PREX2: variants seen among roughly 807,000 people sequenced by gnomAD.
The protein encoded by PREX2 is phosphatidylinositol 3,4,5-trisphosphate-dependent Rac exchanger 2 protein.
Under a neutral mutation model 203.2 loss-of-function variants are expected in PREX2, and 107 were observed. The ratio of observed to expected loss-of-function variants is 0.53; its 90% CI spans 0.45 to 0.62. The LOEUF is 0.62. Ranked by LOEUF, PREX2 falls within the 20% of genes least tolerant of loss-of-function variation. The pLI is 0.00. For missense variants in PREX2, 1,777 were observed against 1,955.9 expected, an observed-to-expected ratio of 0.91 and a Z score of 1.72; for synonymous variants, 672 against 663.6, an observed-to-expected ratio of 1.01 and a Z score of -0.19.
intron 35 of PREX2, among the ~76,000 whole-genome samples, chr8:68,171,113 G>T (rs1160200380): frequency 6.6e-6 from 1 of 152,142 alleles, no homozygotes; most frequent in East Asian, 1.9e-4. Flanking sequence ...TTTGCATGAA[G>T]TGACAACTTT....
At chr8:68,134,590 T>A (rs1189363900) in intron 32 of PREX2, among the ~76,000 whole-genome samples, 7 of 152,222 alleles carry the variant, frequency 4.6e-5, no homozygotes, top group Admixed American at 4.6e-4. Context: ...GTCTTTCTGC[T>A]GCTGTTCCTT....
At chr8:68,179,921 T>G (rs989909780) in intron 35 of PREX2, among the ~76,000 whole-genome samples, 4 of 152,186 alleles carry the variant, frequency 2.6e-5, no homozygotes, top group Non-Finnish European at 5.9e-5. Flanking sequence ...AAAAAATCTC[T>G]TAAGTCTCAT....
intron 32 of PREX2, among the ~76,000 whole-genome samples, chr8:68,134,740 A>C (rs940061401): frequency 6.6e-6 from 1 of 152,188 alleles, no homozygotes; most frequent in African/African-American, 2.4e-5. Flanking sequence ...GCATATGTTA[A>C]ATAATTTTAG....
At chr8:67,993,827 T>C (rs1202264637) in intron 1 of PREX2, among the ~76,000 whole-genome samples, 3 of 152,142 alleles carry the variant, frequency 2.0e-5, no homozygotes, top group East Asian at 1.9e-4. Flanking sequence ...ATACGTTCTA[T>C]CGGCAATCTA....
intron 35 of PREX2, among the ~76,000 whole-genome samples, chr8:68,160,228 G>T (rs1433354265): frequency 2.6e-5 from 4 of 152,078 alleles, no homozygotes; most frequent in Non-Finnish European, 5.9e-5. Flanking sequence ...ATCCTTGCAT[G>T]AACTTCTTTG....
chr8:68,155,330 T>G (rs1811522590), intron 34 of PREX2, among the ~76,000 whole-genome samples: 1 of 152,162 alleles, frequency 6.6e-6, no homozygotes, highest in South Asian at 2.1e-4. Flanking sequence ...CTGAAGTAAA[T>G]GTAGTATGTT....
intron 17 of PREX2, among the ~76,000 whole-genome samples, chr8:68,081,381 C>T (rs554143521): frequency 2.0e-4 from 30 of 152,146 alleles, no homozygotes; most frequent in Admixed American, 1.6e-3. Context: ...TGGACCCATA[C>T]TGGTCCGCAG....
chr8:68,229,938 A>C (rs1283620929), intron 39 of PREX2, among the ~76,000 whole-genome samples: 3 of 152,228 alleles, frequency 2.0e-5, no homozygotes, highest in Non-Finnish European at 4.4e-5. Context: ...TTTGAAGTAC[A>C]TCGGGTCAAT....
intron 31 of PREX2, 76 bp from the exon 32 acceptor site, chr8:68,133,983 T>C (rs1470064068): frequency 3.6e-6 from 4 of 1,120,568 alleles, no homozygotes; most frequent in Admixed American, 1.9e-5. Context: ...TGCTAGTGAA[T>C]GTAGATGCTG....
intron 1 of PREX2, among the ~76,000 whole-genome samples, chr8:67,996,050 T>G (rs1806755056): frequency 6.6e-6 from 1 of 152,156 alleles, no homozygotes; most frequent in Non-Finnish European, 1.5e-5. Flanking sequence ...TTAATAGTAT[T>G]TTATTCTAAT....
At chr8:68,100,160 T>A (rs1171741570) in intron 23 of PREX2, 1 of 495,334 alleles carries the variant, frequency 2.0e-6, no homozygotes, top group Non-Finnish European at 4.0e-6. Flanking sequence ...AGTCAAAATT[T>A]AAAATTATAC....
chr8:68,075,744 A>G (rs765139805), intron 14 of PREX2, among the ~76,000 whole-genome samples: 1 of 152,224 alleles, frequency 6.6e-6, no homozygotes. Flanking sequence ...AAAAATTACA[A>G]AACAGCTCGA....
chr8:68,166,996 T>A (rs1490799377), intron 35 of PREX2, among the ~76,000 whole-genome samples: 1 of 152,182 alleles, frequency 6.6e-6, no homozygotes, highest in Non-Finnish European at 1.5e-5. Context: ...AATGCAAAAT[T>A]AAAGCATTTG....
chr8:68,217,524 G>A, intron 37 of PREX2, 92 bp from the exon 38 acceptor site: 1 of 872,624 alleles, frequency 1.1e-6, no homozygotes, highest in Non-Finnish European at 1.9e-6. Flanking sequence ...ATTTTGGCTG[G>A]TGCTTTCTGA....
intron 23 of PREX2, among the ~76,000 whole-genome samples, chr8:68,102,034 A>G (rs1242530007): frequency 6.6e-6 from 1 of 152,232 alleles, no homozygotes; most frequent in African/African-American, 2.4e-5. Context: ...ATTTACTCAT[A>G]GGTAACTGAG....
At chr8:68,136,816 C>T (rs1384331641) in intron 32 of PREX2, among the ~76,000 whole-genome samples, 1 of 152,160 alleles carries the variant, frequency 6.6e-6, no homozygotes, top group Non-Finnish European at 1.5e-5. Flanking sequence ...GGGGCTACCT[C>T]CACTGATTCT....
chr8:68,089,839 A>G (rs1809814222), intron 19 of PREX2, among the ~76,000 whole-genome samples: 1 of 152,236 alleles, frequency 6.6e-6, no homozygotes, highest in East Asian at 1.9e-4. Context: ...TGTATTCATT[A>G]CATGTATTTA....
At chr8:68,018,195 T>A (rs1265575824) in intron 2 of PREX2, among the ~76,000 whole-genome samples, 2 of 151,652 alleles carry the variant, frequency 1.3e-5, no homozygotes, top group East Asian at 3.9e-4. Context: ...ATTGGAGGTG[T>A]GGTGGCTTAT....
intron 32 of PREX2, among the ~76,000 whole-genome samples, chr8:68,135,930 G>A (rs1056531037): frequency 2.0e-5 from 3 of 151,954 alleles, no homozygotes; most frequent in African/African-American, 7.2e-5. Flanking sequence ...GCTACAACAT[G>A]GATAAACACT....
Sources: gnomAD v4.1 joint callset for allele counts (sites outside exome capture counted in the v4.1 genomes callset) on GRCh38, gnomAD v4.1.1 for gene constraint, MANE v1.5 for transcripts, NCBI Gene and HGNC (gene_info 2026-07-23, HGNC 2026-07-21) for gene names.